The following PTDSS1 variants were observed in gnomAD, a reference collection of about 807,000 sequenced individuals.
The protein encoded by PTDSS1 is phosphatidylserine synthase 1, also known as PSS-1.
Under a neutral mutation model 70.5 loss-of-function variants are expected in PTDSS1, and 45 were observed. The observed-to-expected ratio is 0.64, with a 90% confidence interval of 0.50 to 0.82. PTDSS1 has a LOEUF of 0.82. Among genes scored for constraint, PTDSS1 ranks in the 40% least tolerant of loss-of-function variants. The pLI, the probability that PTDSS1 is intolerant of heterozygous loss-of-function variation, is 0.00. For missense variants in PTDSS1, 417 were observed against 586.1 expected (o/e 0.71, Z 2.98); for synonymous variants, 188 against 203.8 (o/e 0.92, Z 0.66).
rs531569901 is a variant in PTDSS1, at chr8:96,310,312, G to A, written c.1073+690G>A. Among the ~76,000 whole-genome samples, 36 of 151,130 alleles carry A rather than the reference G, an allele frequency of 2.4e-4. No individual in the cohort carries two copies. In the East Asian group the frequency reaches 2.4e-3, roughly 10 times the overall value. On this transcript the variant is annotated intron_variant, in intron 9 of 12. Transcript: ENST00000517309. ...CCCAAGTAGCTGGGATTACAGGTGC[G>A]CACCACCACACCCTACTAAGTTTTG...
At chr8:96,306,696 C>T (rs935482814) in intron 8 of PTDSS1, 140 bp downstream of exon 8, 53 of 689,972 alleles carry the variant, frequency 7.7e-5, no homozygotes, top group Admixed American at 2.8e-4. Flanking sequence ...CAGAATATGA[C>T]GAAAATGTTT....
intron 2 of PTDSS1, among the ~76,000 whole-genome samples, chr8:96,278,704 G>T (rs1400168956): frequency 6.6e-6 from 1 of 152,124 alleles, no homozygotes; most frequent in African/African-American, 2.4e-5. Flanking sequence ...TGAGTCTCCA[G>T]TTGGCTGGAG....
chr8:96,298,844 A>G (rs145135164), intron 5 of PTDSS1, among the ~76,000 whole-genome samples: 1,680 of 152,176 alleles, frequency 0.011, 20 homozygotes, highest in African/African-American at 0.038. Flanking sequence ...GTTCGAGACC[A>G]GCCTGGCCAA....
chr8:96,262,290 A>C lies in PTDSS1; in HGVS notation c.179+71A>C, dbSNP rs908891931. On this transcript the variant is annotated intron_variant, in intron 1 of 12. Coordinates refer to ENST00000517309, the MANE Select transcript of PTDSS1 (RefSeq NM_014754.3). This position sits in a 1 kb window ranked among gnomAD's most constrained non-coding sequence, Gnocchi z 4.4. Reference sequence around the variant, plus strand: ...AGAGGCGGGAGGGAGGGTGGCGGGGAGGGGGGCCCGGCATGGCTCTGGGTG... The same window carrying C: ...AGAGGCGGGAGGGAGGGTGGCGGGGCGGGGGGCCCGGCATGGCTCTGGGTG... The C allele has an allele frequency of 1.3e-5, 5 of 387,458 alleles. No individual in the cohort carries two copies. Among genetic ancestry groups the C allele is most frequent in the Non-Finnish European group, 2.5e-5 (5 of 201,956 alleles). The allele number at this position is 387,458 out of a possible 1,614,324, so 24.0% of individuals were successfully genotyped here.
chr8:96,280,944 A>G (rs1810726237), intron 2 of PTDSS1, among the ~76,000 whole-genome samples: 1 of 152,162 alleles, frequency 6.6e-6, no homozygotes, highest in South Asian at 2.1e-4. Flanking sequence ...GGGAAATAAG[A>G]TCTGTGGGGA....
chr8:96,314,880 G>A (rs1310365821), intron 9 of PTDSS1, among the ~76,000 whole-genome samples: 1 of 152,204 alleles, frequency 6.6e-6, no homozygotes, highest in Non-Finnish European at 1.5e-5. Flanking sequence ...ACAGGCGTGA[G>A]CCACCACGCC....
chr8:96,317,156 A>G (rs1316044604), intron 9 of PTDSS1, among the ~76,000 whole-genome samples: 1 of 151,880 alleles, frequency 6.6e-6, no homozygotes, highest in African/African-American at 2.4e-5. Flanking sequence ...ATCCCCTCAG[A>G]CTAAAAGCCA....
chr8:96,300,925 A>G (rs911567441), intron 6 of PTDSS1, among the ~76,000 whole-genome samples: 1 of 152,090 alleles, frequency 6.6e-6, no homozygotes, highest in African/African-American at 2.4e-5. Context: ...AATCTCACCT[A>G]TAATATATAT....
At chr8:96,291,486 A>G (rs1288234218) in intron 4 of PTDSS1, among the ~76,000 whole-genome samples, 2 of 150,750 alleles carry the variant, frequency 1.3e-5, no homozygotes, top group African/African-American at 4.9e-5. Flanking sequence ...ACCACTGAAC[A>G]GTGAACAGTA....
chr8:96,264,910 CAG>C (rs559430712), intron 1 of PTDSS1, among the ~76,000 whole-genome samples: 8 of 152,110 alleles, frequency 5.3e-5, no homozygotes, highest in Non-Finnish European at 1.2e-4. Flanking sequence ...CATAAAGAGA[CAG>C]AAATCACATA....
intron 2 of PTDSS1, among the ~76,000 whole-genome samples, chr8:96,276,980 GCACACACACA>G (rs57116529): frequency 7.5e-5 from 11 of 145,906 alleles, no homozygotes; most frequent in South Asian, 4.3e-4. Context: ...GCACGCGCGC[GCACACACACA>G]CACACACACA....
chr8:96,315,696 A>G (rs73698567), intron 9 of PTDSS1, among the ~76,000 whole-genome samples: 2,305 of 152,270 alleles, frequency 0.015, 65 homozygotes, highest in African/African-American at 0.053. Flanking sequence ...TCCCAGCAGA[A>G]GCACCTCAGG....
rs764758190 is a variant in PTDSS1, at chr8:96,334,555, T to C, written c.*989T>C. On this transcript the variant is annotated 3_prime_UTR_variant, in exon 13 of 13. Coordinates refer to ENST00000517309, the MANE Select transcript of PTDSS1 (RefSeq NM_014754.3). ...GATTCACTTTAAAGCCTATCAAAGG[T>C]CTGTCTGTAAAATGCTCATTTTCTT... The C allele has an allele frequency of 4.6e-5, 7 of 152,690 alleles. No homozygotes were observed. Among genetic ancestry groups the C allele is most frequent in the Non-Finnish European group, 1.0e-4 (7 of 68,046 alleles). The allele number at this position is 152,690 out of a possible 1,614,324, so 9.5% of individuals were successfully genotyped here. A position where few individuals can be genotyped will look rare whatever the true frequency, so the allele number is the denominator to read the frequency against.
At chr8:96,323,298 C>T (rs1337646313) in intron 10 of PTDSS1, among the ~76,000 whole-genome samples, 2 of 152,230 alleles carry the variant, frequency 1.3e-5, no homozygotes, top group Non-Finnish European at 2.9e-5. Context: ...TGGCTCCAAC[C>T]CCACATTTCT....
At chr8:96,290,641 T>C (rs1810889977) in intron 4 of PTDSS1, among the ~76,000 whole-genome samples, 1 of 152,132 alleles carries the variant, frequency 6.6e-6, no homozygotes, top group African/African-American at 2.4e-5. Flanking sequence ...TTCTTTAAAT[T>C]GTCTTTTGCA....
intron 10 of PTDSS1, 124 bp downstream of exon 10, chr8:96,320,469 A>G: frequency 2.3e-6 from 2 of 861,882 alleles, no homozygotes; most frequent in Non-Finnish European, 3.7e-6. Context: ...AAGATGTTCT[A>G]CTTGTAATTG....
intron 9 of PTDSS1, among the ~76,000 whole-genome samples, chr8:96,318,814 T>C (rs1811331496): frequency 6.6e-6 from 1 of 151,576 alleles, no homozygotes; most frequent in Admixed American, 6.6e-5. Flanking sequence ...TTCAGTTGTT[T>C]AGAGCCATCT....
chr8:96,312,237 C>T (rs963374409), intron 9 of PTDSS1, among the ~76,000 whole-genome samples: 4 of 152,122 alleles, frequency 2.6e-5, no homozygotes, highest in East Asian at 3.9e-4. Context: ...GATCGCTTGA[C>T]GCCCGGAGTT....
At chr8:96,273,211 C>A in intron 1 of PTDSS1, 88 bp from the exon 2 acceptor site, 1 of 883,290 alleles carries the variant, frequency 1.1e-6, no homozygotes, top group South Asian at 1.8e-5. Flanking sequence ...GGCAGTCCCC[C>A]AGTTTTTAGA....
Sources: allele counts gnomAD v4.1 joint callset (sites outside exome capture counted in the v4.1 genomes callset), GRCh38; gene constraint gnomAD v4.1.1; non-coding constraint Gnocchi (gnomAD v3.1); transcripts MANE v1.5; gene names NCBI Gene and HGNC (gene_info 2026-07-23, HGNC 2026-07-21).